TMEM117: variants seen among roughly 807,000 people sequenced by gnomAD.
TMEM117 encodes transmembrane protein 117.
TMEM117 carries 27 observed loss-of-function variants against 52.4 expected under a neutral mutation model. That is an observed-to-expected ratio of 0.51 (90% CI 0.38 to 0.71). The LOEUF is 0.71. TMEM117 is among the 30% of genes least tolerant of loss of function. TMEM117 has a pLI of 0.00. For missense variants in TMEM117, 556 were observed against 630.5 expected, an observed-to-expected ratio of 0.88 and a Z score of 1.26; for synonymous variants, 215 against 206.3, an observed-to-expected ratio of 1.04 and a Z score of -0.36.
intron 5 of TMEM117, among the ~76,000 whole-genome samples, chr12:44,253,061 T>C (rs749715496): frequency 6.6e-6 from 1 of 152,206 alleles, no homozygotes; most frequent in Non-Finnish European, 1.5e-5. Flanking sequence ...AACACAAATG[T>C]CTATAAACCA....
At chr12:43,859,110 A>G (rs1943445355) in intron 2 of TMEM117, among the ~76,000 whole-genome samples, 1 of 152,172 alleles carries the variant, frequency 6.6e-6, no homozygotes, top group African/African-American at 2.4e-5. Context: ...CCAATCTCTG[A>G]GCACCTCCAA....
intron 5 of TMEM117, among the ~76,000 whole-genome samples, chr12:44,243,459 G>A (rs892100805): frequency 5.9e-5 from 9 of 151,698 alleles, no homozygotes; most frequent in African/African-American, 1.9e-4. Flanking sequence ...AATAACTAAA[G>A]TATAAATGCA....
chr12:43,902,893 T>G (rs1246004474), intron 2 of TMEM117, among the ~76,000 whole-genome samples: 1 of 151,726 alleles, frequency 6.6e-6, no homozygotes, highest in East Asian at 2.0e-4. Context: ...AGCACAACAG[T>G]ACCTAAATAG....
At chr12:44,062,285 A>G (rs564352187) in intron 3 of TMEM117, among the ~76,000 whole-genome samples, 9 of 152,340 alleles carry the variant, frequency 5.9e-5, no homozygotes, top group African/African-American at 2.2e-4. Context: ...TTAGGTAGGA[A>G]GAACTAGCTA....
At chr12:43,797,329 G>A in the TMEM117 span, 1 of 1,595,484 alleles carries the variant, frequency 6.3e-7, no homozygotes, top group Non-Finnish European at 8.5e-7. Context: ...TCTCCTTCAT[G>A]GGAATGTTTA....
chr12:44,191,996 T>C (rs534924969), intron 4 of TMEM117, among the ~76,000 whole-genome samples: 5 of 152,316 alleles, frequency 3.3e-5, no homozygotes, highest in Admixed American at 2.0e-4. Flanking sequence ...TTTATTGATG[T>C]ATGTAAGACC....
chr12:44,274,877 C>T (rs1047594753), intron 5 of TMEM117, among the ~76,000 whole-genome samples: 1 of 152,004 alleles, frequency 6.6e-6, no homozygotes, highest in African/African-American at 2.4e-5. Flanking sequence ...GGAAACTCTC[C>T]AGAACATTGG....
At chr12:43,796,943 C>G in the TMEM117 span, 1 of 1,599,034 alleles carries the variant, frequency 6.3e-7, no homozygotes, top group Non-Finnish European at 8.5e-7. Context: ...AAAAATTTAG[C>G]AAAAACTGAA....
intron 5 of TMEM117, among the ~76,000 whole-genome samples, chr12:44,217,509 G>A (rs1949733750): frequency 6.6e-6 from 1 of 152,146 alleles, no homozygotes; most frequent in Non-Finnish European, 1.5e-5. Flanking sequence ...CTCCCTTTGT[G>A]TGTGCCTTCT....
At chr12:43,827,807 T>A in the TMEM117 span, among the ~76,000 whole-genome samples, 3 of 152,152 alleles carry the variant, frequency 2.0e-5, no homozygotes. Flanking sequence ...TCTTTGCAGG[T>A]GTAATTAGTT....
chr12:44,128,048 G>A (rs7298835), intron 3 of TMEM117, among the ~76,000 whole-genome samples: 16,820 of 152,180 alleles, frequency 0.11, 2,493 homozygotes, highest in African/African-American at 0.34. Context: ...TTGGGATACA[G>A]GTTTATGCTT....
intron 2 of TMEM117, among the ~76,000 whole-genome samples, chr12:43,870,907 C>T (rs970459798): frequency 6.6e-6 from 1 of 152,006 alleles, no homozygotes; most frequent in Non-Finnish European, 1.5e-5. Flanking sequence ...GCCTCAGCCT[C>T]CCCAGTAGCT....
intron 3 of TMEM117, among the ~76,000 whole-genome samples, chr12:43,996,987 C>A (rs1946042143): frequency 6.6e-6 from 1 of 152,172 alleles, no homozygotes; most frequent in Admixed American, 6.6e-5. Context: ...CCAGACAGTG[C>A]CTGTGATTCC....
At chr12:43,854,847 G>C (rs962341261) in intron 2 of TMEM117, among the ~76,000 whole-genome samples, 10 of 152,082 alleles carry the variant, frequency 6.6e-5, no homozygotes, top group African/African-American at 2.4e-4. Context: ...ATGTTGGCCA[G>C]GTTGGTCTCG....
chr12:43,800,940 C>T, the TMEM117 span, among the ~76,000 whole-genome samples: 2 of 152,028 alleles, frequency 1.3e-5, no homozygotes, highest in South Asian at 2.1e-4. Flanking sequence ...TTAGTACAGA[C>T]GGGCTTTCAC....
At chr12:43,857,129 C>G (rs1306664134) in intron 2 of TMEM117, among the ~76,000 whole-genome samples, 1 of 152,168 alleles carries the variant, frequency 6.6e-6, no homozygotes, top group Non-Finnish European at 1.5e-5. Context: ...AGTTGCACAT[C>G]CATTAGCGCT....
chr12:43,938,943 T>G (rs1228518362), intron 2 of TMEM117, among the ~76,000 whole-genome samples: 1 of 151,508 alleles, frequency 6.6e-6, no homozygotes, highest in African/African-American at 2.4e-5. Flanking sequence ...GAGGTTGCAG[T>G]GAGCCGAGAT....
At chr12:43,798,186 A>G in the TMEM117 span, among the ~76,000 whole-genome samples, 4 of 152,280 alleles carry the variant, frequency 2.6e-5, no homozygotes, top group East Asian at 3.9e-4. Flanking sequence ...TCTACATACA[A>G]TATGTATAGA....
At chr12:43,898,215 C>T (rs953325272) in intron 2 of TMEM117, among the ~76,000 whole-genome samples, 5 of 152,072 alleles carry the variant, frequency 3.3e-5, no homozygotes, top group Non-Finnish European at 7.4e-5. Context: ...TACTTCTTCA[C>T]TCTTAATCCT....
Sources: gnomAD v4.1 joint callset for allele counts (sites outside exome capture counted in the v4.1 genomes callset) on GRCh38, gnomAD v4.1.1 for gene constraint, MANE v1.5 for transcripts, NCBI Gene and HGNC (gene_info 2026-07-23, HGNC 2026-07-21) for gene names.